Variants in DIAPH2 observed in about 807,000 individuals in gnomAD.
The protein encoded by DIAPH2 is protein diaphanous homolog 2.
Under a neutral mutation model 92.7 loss-of-function variants are expected in DIAPH2, and 35 were observed. The ratio of observed to expected loss-of-function variants is 0.38; its 90% CI spans 0.29 to 0.50. DIAPH2 has a LOEUF of 0.50. Ranked by LOEUF, DIAPH2 falls within the 20% of genes least tolerant of loss-of-function variation. The pLI is 0.94. For synonymous variants in DIAPH2, 301 were observed against 280.4 expected, an observed-to-expected ratio of 1.07 and a Z score of -0.73; for missense variants, 701 against 819.5, an observed-to-expected ratio of 0.86 and a Z score of 1.77.
At chrX:97,180,801 G>A (rs981388892) in intron 22 of DIAPH2, among the ~76,000 whole-genome samples, 1 of 111,357 alleles carries the variant, frequency 9.0e-6, no homozygotes, top group Non-Finnish European at 1.9e-5. Flanking sequence ...GTTTGTCGAA[G>A]ATCATATCGT....
At chrX:96,817,643 G>T (rs1476922707) in intron 4 of DIAPH2, among the ~76,000 whole-genome samples, 1 of 111,151 alleles carries the variant, frequency 9.0e-6, no homozygotes, top group Non-Finnish European at 1.9e-5. Flanking sequence ...AGATCAGAGT[G>T]CCAAGGTGGT....
intron 4 of DIAPH2, among the ~76,000 whole-genome samples, chrX:96,839,721 T>G (rs1271366340): frequency 8.9e-6 from 1 of 112,200 alleles, no homozygotes; most frequent in African/African-American, 3.2e-5. Flanking sequence ...AACTTAAATT[T>G]CATGTTCTTA....
At chrX:96,991,397 C>T (rs971278005) in intron 17 of DIAPH2, among the ~76,000 whole-genome samples, 5 of 110,785 alleles carry the variant, frequency 4.5e-5, no homozygotes, top group Admixed American at 9.6e-5. Flanking sequence ...GGATTACAGG[C>T]ATGAGCCACC....
intron 24 of DIAPH2, among the ~76,000 whole-genome samples, chrX:97,353,311 A>G (rs898767801): frequency 1.8e-5 from 2 of 110,916 alleles, no homozygotes; most frequent in Non-Finnish European, 3.8e-5. Flanking sequence ...GGTGAACCGT[A>G]TATGTTTCAC....
At chrX:96,851,292 G>A (rs1026746076) in intron 4 of DIAPH2, among the ~76,000 whole-genome samples, 84 of 111,134 alleles carry the variant, frequency 7.6e-4, no homozygotes, top group African/African-American at 2.6e-3. Flanking sequence ...TGGTAGAGAC[G>A]GGGTTGCGTC....
intron 19 of DIAPH2, among the ~76,000 whole-genome samples, chrX:97,098,433 A>G (rs1040200687): frequency 3.6e-5 from 4 of 112,151 alleles, no homozygotes; most frequent in Non-Finnish European, 7.5e-5. Flanking sequence ...TTGATACTTC[A>G]TATCAGTGGA....
chrX:96,816,867 T>G (rs2064739673), intron 4 of DIAPH2, among the ~76,000 whole-genome samples: 1 of 112,380 alleles, frequency 8.9e-6, no homozygotes, highest in Admixed American at 9.4e-5. Flanking sequence ...ATGTGGTACA[T>G]ATACACAATG....
intron 22 of DIAPH2, among the ~76,000 whole-genome samples, chrX:97,207,874 C>A (rs1258006818): frequency 9.0e-6 from 1 of 111,411 alleles, no homozygotes; most frequent in East Asian, 2.8e-4. Context: ...TGAACCGGGG[C>A]CAGGTGCAGC....
intron 3 of DIAPH2, among the ~76,000 whole-genome samples, chrX:96,756,351 G>A (rs1312733856): frequency 2.7e-5 from 3 of 110,749 alleles, no homozygotes; most frequent in African/African-American, 9.9e-5. Flanking sequence ...TGCCTATTTG[G>A]GACATTTAAT....
At chrX:96,963,873 T>C (rs1265248775) in intron 16 of DIAPH2, among the ~76,000 whole-genome samples, 2 of 111,139 alleles carry the variant, frequency 1.8e-5, no homozygotes, top group African/African-American at 6.5e-5. Flanking sequence ...CTTTTTATCT[T>C]ACTTGTTTTT....
At chrX:97,067,535 C>A (rs1000501526) in intron 17 of DIAPH2, among the ~76,000 whole-genome samples, 14 of 111,922 alleles carry the variant, frequency 1.3e-4, no homozygotes, top group Admixed American at 6.6e-4. Flanking sequence ...ATGGAAGTTT[C>A]CAAGGTTCTA....
intron 4 of DIAPH2, among the ~76,000 whole-genome samples, chrX:96,793,200 G>A (rs1012985413): frequency 1.8e-5 from 2 of 111,836 alleles, no homozygotes; most frequent in Middle Eastern, 4.6e-3. Flanking sequence ...TCACTCTGTC[G>A]CCCAGGCTAG....
chrX:96,756,175 T>A (rs1489051456), intron 3 of DIAPH2, among the ~76,000 whole-genome samples: 1 of 108,960 alleles, frequency 9.2e-6, no homozygotes, highest in Non-Finnish European at 1.9e-5. Context: ...AAATTCATAA[T>A]TTTTTTTTTG....
intron 4 of DIAPH2, among the ~76,000 whole-genome samples, chrX:96,777,572 C>G (rs754217046): frequency 3.5e-4 from 39 of 111,319 alleles, no homozygotes; most frequent in Non-Finnish European, 6.4e-4. Context: ...GGAAAATTTA[C>G]TTGTATTAAA....
chrX:97,215,470 ACTGT>A (rs780786444), intron 22 of DIAPH2, among the ~76,000 whole-genome samples: 8 of 112,215 alleles, frequency 7.1e-5, no homozygotes, highest in Middle Eastern at 4.6e-3. Flanking sequence ...GAATCATATC[ACTGT>A]CTGTGGAAAA....
chrX:96,856,858 G>A (rs886109062), intron 4 of DIAPH2, among the ~76,000 whole-genome samples: 1 of 110,357 alleles, frequency 9.1e-6, no homozygotes, highest in African/African-American at 3.3e-5. Context: ...CCAACATGGT[G>A]AAACCCTGTC....
At chrX:97,149,228 A>T (rs1251569773) in intron 22 of DIAPH2, among the ~76,000 whole-genome samples, 1 of 111,868 alleles carries the variant, frequency 8.9e-6, no homozygotes, top group Non-Finnish European at 1.9e-5. Context: ...AGAAAGTATT[A>T]AACTAAGGTT....
chrX:96,755,361 A>C (rs903836960), intron 3 of DIAPH2, among the ~76,000 whole-genome samples: 1 of 111,759 alleles, frequency 8.9e-6, no homozygotes, highest in African/African-American at 3.3e-5. Flanking sequence ...GCATCTTTAA[A>C]ATAACTTTGA....
intron 4 of DIAPH2, among the ~76,000 whole-genome samples, chrX:96,837,433 CTGTGTGTGTGTG>C (rs1168572857): frequency 0.013 from 546 of 41,312 alleles, 7 homozygotes; most frequent in African/African-American, 0.092. Context: ...CTCTCTCTCT[CTGTGTGTGTGTG>C]TGTGTGTGTG....
Sources: gnomAD v4.1 joint callset for allele counts (sites outside exome capture counted in the v4.1 genomes callset) on GRCh38, gnomAD v4.1.1 for gene constraint, MANE v1.5 for transcripts, NCBI Gene and HGNC (gene_info 2026-07-23, HGNC 2026-07-21) for gene names.